The following PRKAR2A variants were observed in gnomAD, a reference collection of about 807,000 sequenced individuals.
PRKAR2A encodes the protein cAMP-dependent protein kinase type II-alpha regulatory subunit.
Under a neutral mutation model 51.9 loss-of-function variants are expected in PRKAR2A, and 29 were observed. The ratio of observed to expected loss-of-function variants is 0.56; its 90% confidence interval spans 0.42 to 0.76. PRKAR2A has a LOEUF of 0.76. Among genes scored for constraint, PRKAR2A ranks in the 30% least tolerant of loss-of-function variants. The pLI is 0.00. For missense variants in PRKAR2A, 445 were observed against 512.1 expected, an observed-to-expected ratio of 0.87 and a Z score of 1.26; for synonymous variants, 178 against 186.2, an observed-to-expected ratio of 0.96 and a Z score of 0.36.
chr3:48,811,811 C>CA (rs2082775585), intron 1 of PRKAR2A, among the ~76,000 whole-genome samples: 1 of 151,934 alleles, frequency 6.6e-6, no homozygotes, highest in Non-Finnish European at 1.5e-5. Context: ...ATCCGAATTT[C>CA]ACCTCAATTA....
chr3:48,778,739 C>T (rs951883999), intron 5 of PRKAR2A, among the ~76,000 whole-genome samples: 1 of 151,412 alleles, frequency 6.6e-6, no homozygotes, highest in African/African-American at 2.4e-5. Flanking sequence ...AGGATGTTCT[C>T]GACATCCTGA....
At chr3:48,818,262 G>C (rs759411954) in intron 1 of PRKAR2A, among the ~76,000 whole-genome samples, 1 of 152,138 alleles carries the variant, frequency 6.6e-6, no homozygotes, top group Non-Finnish European at 1.5e-5. Context: ...ACCAAAAGCC[G>C]AAGAGCTGCC....
rs2082549115 is a variant in PRKAR2A, at chr3:48,799,436, TG to T, written c.299-5388del. Among the ~76,000 whole-genome samples, 5 of 152,116 alleles carry T rather than the reference TG, an allele frequency of 3.3e-5. No homozygotes were observed. The South Asian group carries it at 1.0e-3, about 31-fold the overall frequency. On this transcript the variant is annotated intron_variant, in intron 2 of 10. Coordinates refer to ENST00000265563, the MANE Select transcript of PRKAR2A (RefSeq NM_004157.4). ...CTCTGTCTCAAAAATATAATCACAT[TG>T]GGGTTAGGACTTCAATATATGAATT...
Position 48,835,786 on chromosome 3 carries a change from C to CAA in PRKAR2A, c.262+11547_262+11548dup, listed in dbSNP as rs989641624. 1.8e-3 allele frequency among the ~76,000 whole-genome samples: 242 copies of CAA among 136,542 alleles called. 1 individual carries two copies. Among genetic ancestry groups the CAA allele is most frequent in the Non-Finnish European group, 2.9e-3 (184 of 62,666 alleles). The allele number at this position is 136,542 out of a possible 152,430, so 89.6% of individuals were successfully genotyped here. On this transcript the variant is annotated intron_variant, in intron 1 of 10. Coordinates refer to ENST00000265563, the MANE Select transcript of PRKAR2A (RefSeq NM_004157.4). ...TGAGTGACAGAGCAAGACTCAGTCT[C>CAA]AAAAAAAAAAAATTCTAGGGACCCA...
Position 48,787,201 on chromosome 3 carries a change from A to T in PRKAR2A, c.435+3343T>A, listed in dbSNP as rs189234146. The stretch of plus-strand genomic sequence containing the variant: ...ATTTATTTATTTATGTATTTATTTA[A>T]TGAGACAGAGTTTCACTCTTATTGC... On this transcript the variant is annotated intron_variant, in intron 4 of 10. Transcript: ENST00000265563. Among the ~76,000 whole-genome samples the T allele has an allele frequency of 2.5e-3, 384 of 151,896 alleles. 3 individuals are homozygous for T. The highest frequency in any genetic ancestry group is 8.4e-3 in the African/African-American group (348 of 41,442).
At position 48,761,606 on chromosome 3, in the gene PRKAR2A, A is replaced by C. The variant is rs560157619; in HGVS notation, c.873+3398T>G. Among the ~76,000 whole-genome samples the C allele has an allele frequency of 7.7e-4, 117 of 152,212 alleles. No individual in the cohort carries two copies. The Middle Eastern group carries it at 0.01, about 13-fold the overall frequency. ...TTCACCATTTCAAATATCTACTGAA[A>C]GTTTTTATTTATTTATTTTTTTTGA... On this transcript the variant is annotated intron_variant, in intron 8 of 10. Transcript: ENST00000265563.
At chr3:48,838,622 AAAAAG>A (rs2083324398) in intron 1 of PRKAR2A, among the ~76,000 whole-genome samples, 2 of 147,692 alleles carry the variant, frequency 1.4e-5, no homozygotes. Flanking sequence ...AAAAAAAAGA[AAAAAG>A]AAAAGAAAAA....
chr3:48,829,243 G>T (rs2107431593), intron 1 of PRKAR2A, among the ~76,000 whole-genome samples: 1 of 151,974 alleles, frequency 6.6e-6, no homozygotes, highest in East Asian at 2.0e-4. Flanking sequence ...TGAAGGCTGG[G>T]CGCAGAGGCT....
intron 3 of PRKAR2A, among the ~76,000 whole-genome samples, chr3:48,792,645 G>A (rs899163850): frequency 1.3e-5 from 2 of 150,264 alleles, no homozygotes; most frequent in African/African-American, 4.9e-5. Context: ...TATTTTAGTA[G>A]AGACAAGGTT....
chr3:48,803,084 G>A (rs1420617287), intron 2 of PRKAR2A, among the ~76,000 whole-genome samples: 1 of 152,148 alleles, frequency 6.6e-6, no homozygotes, highest in Non-Finnish European at 1.5e-5. Flanking sequence ...GAGGTTTTGA[G>A]AAGGGGAAGG....
At position 48,830,746 on chromosome 3, in the gene PRKAR2A, T is replaced by C. The variant is rs537014734; in HGVS notation, c.262+16589A>G. 2.0e-5 allele frequency among the ~76,000 whole-genome samples: 3 copies of C among 152,276 alleles called. 1 individual carries two copies. The highest frequency in any genetic ancestry group is 1.9e-4 in the East Asian group (1 of 5,190). On this transcript the variant is annotated intron_variant, in intron 1 of 10. Transcript: ENST00000265563. ...AATAATTATACAACTCACCATAATG[T>C]AGAATCAGTGGGAGCCCTGAGCTCA...
chr3:48,762,549 C>T (rs1020589970), intron 8 of PRKAR2A, among the ~76,000 whole-genome samples: 5 of 151,996 alleles, frequency 3.3e-5, no homozygotes, highest in African/African-American at 1.2e-4. Context: ...GCACAAGAAT[C>T]GCTTGAACCT....
At chr3:48,760,424 C>G (rs149055778) in intron 8 of PRKAR2A, among the ~76,000 whole-genome samples, 1 of 152,038 alleles carries the variant, frequency 6.6e-6, no homozygotes, top group Non-Finnish European at 1.5e-5. Flanking sequence ...AGCCTGTAAT[C>G]TTAGCTACTT....
At chr3:48,788,693 C>T (rs1256136630) in intron 4 of PRKAR2A, among the ~76,000 whole-genome samples, 3 of 152,084 alleles carry the variant, frequency 2.0e-5, no homozygotes, top group African/African-American at 7.2e-5. Context: ...CCTGAGAGCT[C>T]CCTCCCTCCT....
At chr3:48,754,835 G>A (rs2081732383) in intron 9 of PRKAR2A, among the ~76,000 whole-genome samples, 1 of 150,556 alleles carries the variant, frequency 6.6e-6, no homozygotes, top group Admixed American at 6.6e-5. Flanking sequence ...AGAATCGATT[G>A]AAACTAGGGG....
chr3:48,838,177 A>C (rs1196058425), intron 1 of PRKAR2A, among the ~76,000 whole-genome samples: 1 of 150,386 alleles, frequency 6.6e-6, no homozygotes, highest in Non-Finnish European at 1.5e-5. Context: ...GACTCCGCTC[A>C]AAAAAAAACA....
intron 5 of PRKAR2A, among the ~76,000 whole-genome samples, chr3:48,777,150 C>T (rs767721512): frequency 3.9e-5 from 6 of 152,250 alleles, no homozygotes; most frequent in Admixed American, 3.3e-4. Flanking sequence ...CACCATAAAT[C>T]CCAAGACAGT....
At chr3:48,838,725 T>C (rs1313708380) in intron 1 of PRKAR2A, among the ~76,000 whole-genome samples, 1 of 152,016 alleles carries the variant, frequency 6.6e-6, no homozygotes, top group Non-Finnish European at 1.5e-5. Flanking sequence ...ATGCCTGTAA[T>C]CTCAGCACTT....
intron 5 of PRKAR2A, among the ~76,000 whole-genome samples, chr3:48,773,928 C>T (rs954499916): frequency 6.8e-6 from 1 of 147,726 alleles, no homozygotes; most frequent in African/African-American, 2.5e-5. Flanking sequence ...CCTCTCACCT[C>T]AGCCCCCTAG....
Sources: allele counts gnomAD v4.1 joint callset (sites outside exome capture counted in the v4.1 genomes callset), GRCh38; gene constraint gnomAD v4.1.1; transcripts MANE v1.5; gene names NCBI Gene and HGNC (gene_info 2026-07-23, HGNC 2026-07-21).